GRHL2: variants seen among roughly 807,000 people sequenced by gnomAD.
GRHL2 encodes grainyhead like transcription factor 2.
Under a neutral mutation model 83.8 loss-of-function variants are expected in GRHL2, and 21 were observed. That is an observed-to-expected ratio of 0.25 (90% CI 0.18 to 0.36). GRHL2 has a LOEUF of 0.36. GRHL2 is among the 10% of genes least tolerant of loss of function. The pLI is 1.00. For synonymous variants in GRHL2, 280 were observed against 278.9 expected (o/e 1.00, Z -0.04); for missense variants, 623 against 781.8 (o/e 0.80, Z 2.42).
rs962126399 is a variant in GRHL2, at chr8:101,558,714, G to A, written c.580G>A (p.Val194Met). ...TATCTTTGAACAGACTCAGTATGAC[G>A]TGCCCTCGCTGGCCACCCACAGCGC... ...VVIFEQTQYD[V>M]PSLATHSAYL... is the part of the protein sequence containing the mutation. The change falls in exon 4 of 16, where the codon GTG becomes ATG. Residue 194 changes from valine (V) to methionine (M), a missense_variant. Around this residue, in one of 8 missense-constraint regions of GRHL2, gnomAD observed 239 missense variants for 240.5 expected, o/e 0.99. Transcript: ENST00000646743. 4 of 1,613,982 alleles carry A rather than the reference G, an allele frequency of 2.5e-6. No homozygotes were observed. Among genetic ancestry groups the A allele is most frequent in the African/African-American group, 2.7e-5 (2 of 74,886 alleles).
At chr8:101,642,821 G>A (rs922862110) in intron 12 of GRHL2, among the ~76,000 whole-genome samples, 4 of 152,176 alleles carry the variant, frequency 2.6e-5, no homozygotes, top group Non-Finnish European at 5.9e-5. Context: ...TGAATAGCCT[G>A]TTTCACATAT....
At chr8:101,598,149 T>A (rs1253989969) in intron 7 of GRHL2, among the ~76,000 whole-genome samples, 1 of 151,672 alleles carries the variant, frequency 6.6e-6, no homozygotes. Context: ...GAAAAAGAAA[T>A]ACATAGTAAC....
At chr8:101,675,275 G>A in the GRHL2 span, among the ~76,000 whole-genome samples, 69 of 152,278 alleles carry the variant, frequency 4.5e-4, no homozygotes, top group East Asian at 8.9e-3. Context: ...AATTGCCCCT[G>A]TTTGCAGATG....
chr8:101,570,271 T>C, intron 4 of GRHL2, 68 bp from the exon 5 acceptor site: 1 of 1,155,646 alleles, frequency 8.7e-7, no homozygotes, highest in Non-Finnish European at 1.3e-6. Context: ...TTTGGATACA[T>C]TTATTATTAT....
At chr8:101,651,275 GAT>G (rs1371595608) in intron 14 of GRHL2, among the ~76,000 whole-genome samples, 1 of 152,222 alleles carries the variant, frequency 6.6e-6, no homozygotes, top group African/African-American at 2.4e-5. Context: ...TGGGGACAGT[GAT>G]ATTTGAAAAC....
chr8:101,609,428 C>A (rs911232396), intron 8 of GRHL2, among the ~76,000 whole-genome samples: 2 of 150,874 alleles, frequency 1.3e-5, no homozygotes, highest in African/African-American at 5.0e-5. Flanking sequence ...GGCCTCCTGG[C>A]GATTCTGATG....
intron 12 of GRHL2, among the ~76,000 whole-genome samples, chr8:101,642,935 T>C (rs1200824615): frequency 6.6e-6 from 1 of 152,210 alleles, no homozygotes; most frequent in African/African-American, 2.4e-5. Flanking sequence ...ATAAGGAGAC[T>C]GAGGCCCAAG....
At chr8:101,578,461 T>C (rs932371120) in intron 7 of GRHL2, among the ~76,000 whole-genome samples, 1 of 152,160 alleles carries the variant, frequency 6.6e-6, no homozygotes, top group Admixed American at 6.5e-5. Flanking sequence ...CACATTACCG[T>C]GGAAAGTGCA....
chr8:101,624,083 GACAGTACACAGTAGGACAGTTT>G (rs1481095598), intron 9 of GRHL2, among the ~76,000 whole-genome samples: 2 of 148,962 alleles, frequency 1.3e-5, no homozygotes, highest in East Asian at 2.0e-4. Flanking sequence ...TACACAGTAG[GACAGTACACAGTAGGACAGTTT>G]ACAGTACACA....
Position 101,632,359 on chromosome 8 carries a change from C to T in GRHL2, c.1479C>T (p.Thr493=), listed in dbSNP as rs750123218. The change falls in exon 11 of 16, where the codon ACC becomes ACT. Residue 493 remains threonine (T), a synonymous_variant. Coordinates refer to ENST00000646743, the MANE Select transcript of GRHL2 (RefSeq NM_024915.4). ...PDVHFANLQR[T]GQVYYNTDDE... is the part of the protein sequence containing the mutation. ...TTCACTTTGCAAACCTGCAGAGGAC[C>T]GGACAGGTATGACCTACCAGCTAAC... 6 of 1,613,830 alleles carry T rather than the reference C, an allele frequency of 3.7e-6. No individual in the cohort carries two copies. The highest frequency in any genetic ancestry group is 4.5e-5 in the East Asian group (2 of 44,880).
At chr8:101,666,383 T>C (rs997684429) in intron 15 of GRHL2, among the ~76,000 whole-genome samples, 2 of 152,110 alleles carry the variant, frequency 1.3e-5, no homozygotes, top group Non-Finnish European at 2.9e-5. Context: ...TTCTGAGAAA[T>C]TGAGGCTTTG....
chr8:101,639,856 C>T (rs112066861), intron 12 of GRHL2, among the ~76,000 whole-genome samples: 72 of 152,366 alleles, frequency 4.7e-4, no homozygotes, highest in African/African-American at 1.5e-3. Context: ...CTTTCCTCTC[C>T]CTGCCACGTT....
At chr8:101,595,537 A>G (rs1812374594) in intron 7 of GRHL2, among the ~76,000 whole-genome samples, 2 of 152,358 alleles carry the variant, frequency 1.3e-5, no homozygotes, top group East Asian at 1.9e-4. Flanking sequence ...GCTATAAAGA[A>G]TCAAGGACTT....
At chr8:101,523,969 C>A (rs557444208) in intron 1 of GRHL2, among the ~76,000 whole-genome samples, 2 of 152,134 alleles carry the variant, frequency 1.3e-5, no homozygotes, top group African/African-American at 4.8e-5. Context: ...TCATCAGGTG[C>A]GTAATAGAAT....
chr8:101,624,306 CAGT>C (rs1241995282), intron 9 of GRHL2, among the ~76,000 whole-genome samples: 2 of 144,954 alleles, frequency 1.4e-5, no homozygotes, highest in African/African-American at 5.2e-5. Context: ...ACACAGCAAT[CAGT>C]AGGACAGTTT....
At chr8:101,678,397 C>T in the GRHL2 span, among the ~76,000 whole-genome samples, 136 of 152,248 alleles carry the variant, frequency 8.9e-4, no homozygotes, top group Non-Finnish European at 1.2e-3. Context: ...CGGCGCACCA[C>T]GAGATTATAT....
intron 1 of GRHL2, among the ~76,000 whole-genome samples, chr8:101,495,498 A>C (rs1389979495): frequency 6.6e-6 from 1 of 152,190 alleles, no homozygotes; most frequent in Non-Finnish European, 1.5e-5. Context: ...CTCCATCTTA[A>C]ATTTTATGAA....
chr8:101,671,103 G>C (rs3939935), downstream of GRHL2, among the ~76,000 whole-genome samples: 1 of 152,124 alleles, frequency 6.6e-6, no homozygotes, highest in Non-Finnish European at 1.5e-5. Flanking sequence ...CAATGCAGAC[G>C]ACGGTTGATT....
At chr8:101,593,394 G>T (rs1812326611) in intron 7 of GRHL2, among the ~76,000 whole-genome samples, 1 of 152,172 alleles carries the variant, frequency 6.6e-6, no homozygotes, top group African/African-American at 2.4e-5. Flanking sequence ...TTTAAAATAT[G>T]TAGTTTTTAT....
Sources: allele counts gnomAD v4.1 joint callset (sites outside exome capture counted in the v4.1 genomes callset), GRCh38; gene constraint gnomAD v4.1.1; regional missense constraint gnomAD v4.1.1; transcripts MANE v1.5; gene names NCBI Gene and HGNC (gene_info 2026-07-23, HGNC 2026-07-21).